The following ZBTB11 variants were observed in gnomAD, a reference collection of about 807,000 sequenced individuals.
ZBTB11 encodes the protein zinc finger and BTB domain containing 11, also known as zinc finger and BTB domain-containing protein 11.
Under a neutral mutation model 113.1 loss-of-function variants are expected in ZBTB11, and 68 were observed. The observed-to-expected ratio is 0.60, with a 90% CI of 0.49 to 0.74. ZBTB11 has a LOEUF of 0.74. Among genes scored for constraint, ZBTB11 ranks in the 30% least tolerant of loss-of-function variants. ZBTB11 has a pLI of 0.00. For synonymous variants in ZBTB11, 518 were observed against 452.6 expected (o/e 1.14, Z -1.83); for missense variants, 1,104 against 1,279.4 (o/e 0.86, Z 2.09).
At chr3:101,660,981 C>T (rs1038755229) in intron 5 of ZBTB11, among the ~76,000 whole-genome samples, 1 of 151,718 alleles carries the variant, frequency 6.6e-6, no homozygotes, top group Non-Finnish European at 1.5e-5. Context: ...GTCTGGAACC[C>T]CAGCATTTGG....
chr3:101,670,742 C>T (rs546558424), intron 3 of ZBTB11: 19 of 179,328 alleles, frequency 1.1e-4, no homozygotes, highest in Admixed American at 3.9e-4. Flanking sequence ...CAGATCCTCA[C>T]ATCCCAGCCT....
Position 101,656,160 on chromosome 3 carries a change from C to G in ZBTB11, c.2135G>C (p.Cys712Ser), listed in dbSNP as rs1936794029. 1 of 1,599,500 alleles carries G rather than the reference C, an allele frequency of 6.3e-7. No homozygotes were observed. The highest frequency in any genetic ancestry group is 1.4e-5 in the African/African-American group (1 of 73,858). The change falls in exon 7 of 11, where the codon TGT becomes TCT. Residue 712 changes from cysteine (C) to serine (S), a missense_variant. Transcript: ENST00000312938. ...CCGTTTGGTAACAAATGACTTAACA[C>G]ACAGTTCACACTGGAACTGCTTCTG... Reference protein sequence around the residue: ...QSQKQFQCELCVKSFVTKRSL... With the variant: ...QSQKQFQCELSVKSFVTKRSL...
chr3:101,675,737 T>G (rs974916822), intron 1 of ZBTB11, among the ~76,000 whole-genome samples: 2 of 152,218 alleles, frequency 1.3e-5, no homozygotes, highest in South Asian at 2.1e-4. Flanking sequence ...GTATATACAA[T>G]GCTACACAGT....
chr3:101,663,186 C>A (rs1031457077), intron 5 of ZBTB11, among the ~76,000 whole-genome samples: 1 of 151,978 alleles, frequency 6.6e-6, no homozygotes, highest in Non-Finnish European at 1.5e-5. Context: ...GATCTGCCCG[C>A]CTCAGCCTCC....
rs1432725357 is a variant in ZBTB11 at position 101,649,528 on chromosome 3, TAAC to T, written c.*1635_*1637del. ...TACACAATTTTTAAACTAAATCTAG[TAAC>T]AACAGAGGATGGAACATAAAAGACA... On this transcript the variant is annotated 3_prime_UTR_variant, in exon 11 of 11. Coordinates refer to ENST00000312938, the MANE Select transcript of ZBTB11 (RefSeq NM_014415.4). The T allele has an allele frequency of 6.6e-6, 1 of 151,974 alleles. No homozygotes were observed. The highest frequency in any genetic ancestry group is 2.4e-5 in the African/African-American group (1 of 41,440). The allele number at this position is 151,974 out of a possible 1,614,324, so 9.4% of individuals were successfully genotyped here.
Position 101,676,975 on chromosome 3 carries a change from C to G in ZBTB11, c.-61G>C. On this transcript the variant is annotated 5_prime_UTR_variant, in exon 1 of 11. Transcript: ENST00000312938. ...ACAGGTGAGGAAAACGGCCCGCTACCTACGGGCGGCTGCAGGAGGAGCGGC... is the reference window on the plus strand; with the variant it reads ...ACAGGTGAGGAAAACGGCCCGCTACGTACGGGCGGCTGCAGGAGGAGCGGC... 6.7e-7 allele frequency: 1 copy of G among 1,481,494 alleles called. No homozygotes were observed. Among genetic ancestry groups the G allele is most frequent in the Non-Finnish European group, 9.0e-7 (1 of 1,114,676 alleles). 91.8% of individuals were successfully genotyped at this position (1,481,494 alleles called of 1,614,324 possible). A position where few individuals can be genotyped will look rare whatever the true frequency, so the allele number is the denominator to read the frequency against.
intron 3 of ZBTB11, among the ~76,000 whole-genome samples, chr3:101,668,440 C>A (rs560470320): frequency 1.3e-5 from 2 of 152,102 alleles, no homozygotes; most frequent in East Asian, 3.9e-4. Context: ...CCAGCCTGGG[C>A]AACAAAGTGA....
rs1026614317 is a variant in ZBTB11, at chr3:101,650,299, T to C, written c.*867A>G. ...CTGAAAACATACCAAATCTAGTTTG[T>C]TTGTTCATTAACTTGTTCATTCTTT... On this transcript the variant is annotated 3_prime_UTR_variant, in exon 11 of 11. Coordinates refer to ENST00000312938, the MANE Select transcript of ZBTB11 (RefSeq NM_014415.4). 6.6e-6 allele frequency: 1 copy of C among 152,368 alleles called. No homozygotes were observed. Among genetic ancestry groups the C allele is most frequent in the Admixed American group, 6.5e-5 (1 of 15,286 alleles). 9.4% of individuals were successfully genotyped at this position (152,368 alleles called of 1,614,324 possible).
intron 6 of ZBTB11, among the ~76,000 whole-genome samples, chr3:101,657,095 C>T (rs1199519165): frequency 1.5e-5 from 2 of 136,714 alleles, no homozygotes; most frequent in East Asian, 2.2e-4. Context: ...GAGCCAAGAT[C>T]GTGCTACTGC....
intron 3 of ZBTB11, among the ~76,000 whole-genome samples, chr3:101,667,531 G>T (rs1469411723): frequency 6.6e-5 from 10 of 152,116 alleles, no homozygotes; most frequent in African/African-American, 2.2e-4. Flanking sequence ...AAGAACCCAC[G>T]AAGGATGAAC....
intron 8 of ZBTB11, among the ~76,000 whole-genome samples, chr3:101,653,548 G>C (rs1057122331): frequency 6.6e-6 from 1 of 152,148 alleles, no homozygotes; most frequent in African/African-American, 2.4e-5. Flanking sequence ...CAGACTCCTA[G>C]ACTTTATATT....
At position 101,676,837 on chromosome 3, in the gene ZBTB11, C is replaced by T. The variant is rs1334095360; in HGVS notation, c.78G>A (p.Glu26=). 3 of 1,611,980 alleles carry T rather than the reference C, an allele frequency of 1.9e-6. No homozygotes were observed. Among genetic ancestry groups the T allele is most frequent in the Non-Finnish European group, 1.7e-6 (2 of 1,179,316 alleles). ...TTCGGATTTTACGCTTGACATTGCC[C>T]TCGGTGCCCGGCGCATACGGCTCGC... The part of the protein sequence containing the change: ...NEREPYAPGT[E]GNVKRKIRKA... Residue 26 remains glutamate, a synonymous_variant, in exon 1 of 11, where the codon GAG becomes GAA. Coordinates refer to ENST00000312938, the MANE Select transcript of ZBTB11 (RefSeq NM_014415.4).
At chr3:101,668,425 C>A (rs545202012) in intron 3 of ZBTB11, among the ~76,000 whole-genome samples, 2 of 152,156 alleles carry the variant, frequency 1.3e-5, no homozygotes, top group East Asian at 3.9e-4. Flanking sequence ...TCCAGGAGTT[C>A]AAGGCCAGCC....
intron 1 of ZBTB11, among the ~76,000 whole-genome samples, chr3:101,675,593 T>C (rs1408773860): frequency 1.3e-5 from 2 of 152,254 alleles, no homozygotes; most frequent in Non-Finnish European, 2.9e-5. Flanking sequence ...ATTCATTAAC[T>C]GTGGAGAGTG....
chr3:101,660,035 G>T lies in ZBTB11; in HGVS notation c.1801-7C>A. On this transcript the variant is annotated splice_region_variant and splice_polypyrimidine_tract_variant and intron_variant, in intron 5 of 10. Transcript: ENST00000312938. ...GAAACTGTTTTTTACACAACTAAAAGAAAAATAAAATTCTCTCTAAATGTA... is the reference window on the plus strand; with the variant it reads ...GAAACTGTTTTTTACACAACTAAAATAAAAATAAAATTCTCTCTAAATGTA... 1 of 1,604,514 alleles carries T rather than the reference G, an allele frequency of 6.2e-7. No homozygotes were observed.
At chr3:101,669,994 A>G (rs188900639) in intron 3 of ZBTB11, among the ~76,000 whole-genome samples, 2 of 151,908 alleles carry the variant, frequency 1.3e-5, no homozygotes, top group East Asian at 3.9e-4. Context: ...GTGCCCAACT[A>G]ATTTTGCATT....
chr3:101,663,641 A>G (rs1174885856), intron 5 of ZBTB11, among the ~76,000 whole-genome samples: 1 of 152,174 alleles, frequency 6.6e-6, no homozygotes, highest in Admixed American at 6.5e-5. Flanking sequence ...CTGGTATCCC[A>G]TACCTTGGGG....
rs1289044604 is a variant in ZBTB11, at chr3:101,664,994, C to T, written c.1593G>A (p.Arg531=). 3 of 1,612,368 alleles carry T rather than the reference C, an allele frequency of 1.9e-6. No individual in the cohort carries two copies. The highest frequency in any genetic ancestry group is 1.7e-6 in the Non-Finnish European group (2 of 1,178,944). ...GAACTGCTGACTTGGGAACGGCTTTCCGTTTCTGCAGCTTTTTCTCCATTC... is the reference window on the plus strand; with the variant it reads ...GAACTGCTGACTTGGGAACGGCTTTTCGTTTCTGCAGCTTTTTCTCCATTC... The part of the protein sequence containing the change: ...HKGMEKKLQK[R]KAVPKSAVQQ... The change falls in exon 4 of 11, where the codon CGG becomes CGA. Residue 531 remains arginine, a synonymous_variant. Coordinates refer to ENST00000312938, the MANE Select transcript of ZBTB11 (RefSeq NM_014415.4).
chr3:101,664,922 C>T (rs1245951133), intron 4 of ZBTB11, 42 bp downstream of exon 4: 1 of 1,560,640 alleles, frequency 6.4e-7, no homozygotes, highest in Admixed American at 2.0e-5. Flanking sequence ...TGCTTTCAAC[C>T]TAAAGCTAAA....
Sources: allele counts gnomAD v4.1 joint callset (sites outside exome capture counted in the v4.1 genomes callset), GRCh38; gene constraint gnomAD v4.1.1; transcripts MANE v1.5; gene names NCBI Gene and HGNC (gene_info 2026-07-23, HGNC 2026-07-21).